Variants in GGTA1 observed in about 807,000 individuals in gnomAD.
The protein encoded by GGTA1 is glycoprotein alpha-galactosyltransferase 1 (inactive), also known as inactive N-acetyllactosaminide alpha-1,3-galactosyltransferase.
Under a neutral mutation model 2.6 loss-of-function variants are expected in GGTA1, and 5 were observed. That is an observed-to-expected ratio of 1.92 (90% confidence interval 1.00 to 4.04). The LOEUF (loss-of-function observed/expected upper bound fraction) is 4.04. GGTA1 is among the 30% of genes most tolerant of loss of function. The pLI is 0.00. For missense variants in GGTA1, 50 were observed against 16.7 expected (o/e 2.99, Z -3.47); for synonymous variants, 17 against 5.0 (o/e 3.38, Z -3.19).
intron 1 of GGTA1, among the ~76,000 whole-genome samples, chr9:121,490,422 T>C (rs532301981): frequency 1.8e-4 from 28 of 152,324 alleles, no homozygotes; most frequent in African/African-American, 6.7e-4. Context: ...GCTGTGGCCC[T>C]GTGACCCTCC....
At chr9:121,473,319 CAAAAAAA>C (rs10712323) in intron 1 of GGTA1, among the ~76,000 whole-genome samples, 1 of 96,410 alleles carries the variant, frequency 1.0e-5, no homozygotes, top group South Asian at 3.6e-4. Context: ...GACTCCATCT[CAAAAAAA>C]AAAAAAAAAA....
rs149999618 is a variant in GGTA1, at chr9:121,458,998, A to G, written c.298+1106T>C. Among the ~76,000 whole-genome samples the G allele has an allele frequency of 4.6e-4, 70 of 152,330 alleles. No individual in the cohort carries two copies. The Middle Eastern group carries it at 0.01, about 22-fold the overall frequency. On this transcript the variant is annotated intron_variant, in intron 5 of 5. Coordinates refer to ENST00000481799, the MANE Select transcript of GGTA1 (RefSeq NM_001382585.1). ...CTCACATTTCTATGAGTGGTTTAGC[A>G]TTTCAGAGATGCCTACCCTGTTGTG...
At chr9:121,495,686 C>T (rs151101131) in intron 1 of GGTA1, among the ~76,000 whole-genome samples, 1 of 152,200 alleles carries the variant, frequency 6.6e-6, no homozygotes, top group South Asian at 2.1e-4. Flanking sequence ...CCCAATGCAA[C>T]TTCTAATCCT....
chr9:121,486,346 G>A (rs1828753697), intron 1 of GGTA1, among the ~76,000 whole-genome samples: 1 of 152,206 alleles, frequency 6.6e-6, no homozygotes, highest in Admixed American at 6.5e-5. Flanking sequence ...GGGTCTATTC[G>A]TAGGAGGTCC....
At chr9:121,473,185 C>A (rs183450239) in intron 1 of GGTA1, among the ~76,000 whole-genome samples, 1 of 151,742 alleles carries the variant, frequency 6.6e-6, no homozygotes, top group Non-Finnish European at 1.5e-5. Context: ...CTGGGTGTTG[C>A]GGCACATGCC....
At chr9:121,483,293 T>C (rs1263520289) in intron 1 of GGTA1, among the ~76,000 whole-genome samples, 1 of 152,188 alleles carries the variant, frequency 6.6e-6, no homozygotes, top group African/African-American at 2.4e-5. Context: ...AATGCTGTTC[T>C]TCCTACCCAG....
intron 1 of GGTA1, among the ~76,000 whole-genome samples, chr9:121,496,757 A>AAAAAAAAG (rs1554838784): frequency 1.8e-5 from 2 of 111,918 alleles, no homozygotes; most frequent in African/African-American, 5.8e-5. Flanking sequence ...AAAAAAAAAA[A>AAAAAAAAG]AGAGAGAGAG....
In GGTA1 at chr9:121,471,664, A is replaced by G. The variant is rs1828393095; in HGVS notation, c.-9-3733T>C. 2.0e-5 allele frequency among the ~76,000 whole-genome samples: 3 copies of G among 152,312 alleles called. No individual in the cohort carries two copies. In the South Asian group the frequency reaches 6.2e-4, roughly 32 times the overall value. ...AACCCAACTTCCAGCTTTCCACACAACTGTGATGGGCAGTATTCCACAGAC... is the reference window on the plus strand; with the variant it reads ...AACCCAACTTCCAGCTTTCCACACAGCTGTGATGGGCAGTATTCCACAGAC... On this transcript the variant is annotated intron_variant, in intron 1 of 5. Coordinates refer to ENST00000481799, the MANE Select transcript of GGTA1 (RefSeq NM_001382585.1).
At position 121,480,668 on chromosome 9, in the gene GGTA1, C is replaced by T. The variant is rs553997612; in HGVS notation, c.-9-12737G>A. 3.3e-5 allele frequency among the ~76,000 whole-genome samples: 5 copies of T among 152,248 alleles called. No individual in the cohort carries two copies. In the South Asian group the frequency reaches 1.0e-3, roughly 32 times the overall value. ...CCCCAGAAGGAAATTTCACAGCTTC[C>T]GCCTCTTAAGGGGATGAGTTATTTG... On this transcript the variant is annotated intron_variant, in intron 1 of 5. Coordinates refer to ENST00000481799, the MANE Select transcript of GGTA1 (RefSeq NM_001382585.1).
chr9:121,463,281 C>G lies in GGTA1; in HGVS notation c.116+12G>C. 1 of 452,792 alleles carries G rather than the reference C, an allele frequency of 2.2e-6. No homozygotes were observed. Among genetic ancestry groups the G allele is most frequent in the Non-Finnish European group, 4.4e-6 (1 of 225,422 alleles). 28.0% of individuals were successfully genotyped at this position (452,792 alleles called of 1,614,324 possible). A position where few individuals can be genotyped will look rare whatever the true frequency, so the allele number is the denominator to read the frequency against. On this transcript the variant is annotated intron_variant, in intron 3 of 5. Coordinates refer to ENST00000481799, the MANE Select transcript of GGTA1 (RefSeq NM_001382585.1). Reference sequence around the variant, plus strand: ...AAACATCCCCTAGAAATCTAGAATTCAAAGCACTTACTTTGAGTGATATAT... The same window carrying G: ...AAACATCCCCTAGAAATCTAGAATTGAAAGCACTTACTTTGAGTGATATAT...
At chr9:121,467,343 C>G (rs2065012620) in intron 2 of GGTA1, among the ~76,000 whole-genome samples, 1 of 151,172 alleles carries the variant, frequency 6.6e-6, no homozygotes, top group African/African-American at 2.5e-5. Flanking sequence ...CACACACACT[C>G]TCTCTCTCTC....
chr9:121,494,651 C>T (rs1828949186), intron 1 of GGTA1: 1 of 152,246 alleles, frequency 6.6e-6, no homozygotes, highest in South Asian at 2.1e-4. Flanking sequence ...AGTTTGGCAT[C>T]AATATGGTGA....
chr9:121,470,235 C>A (rs1461027131), intron 1 of GGTA1, among the ~76,000 whole-genome samples: 1 of 152,164 alleles, frequency 6.6e-6, no homozygotes, highest in African/African-American at 2.4e-5. Flanking sequence ...GTAGATTAAT[C>A]AAAATATACC....
rs1026177989 is a variant in GGTA1 at position 121,461,833 on chromosome 9, C to T, written c.117-516G>A. Among the ~76,000 whole-genome samples the T allele has an allele frequency of 3.9e-5, 6 of 152,292 alleles. No individual in the cohort carries two copies. The South Asian group carries it at 6.2e-4, about 16-fold the overall frequency. On this transcript the variant is annotated intron_variant, in intron 3 of 5. Transcript: ENST00000481799. ...CTTCATGAAAAACCGATGCATGTTT[C>T]CATGTTTCTTTAGCTAAAACCAGCA...
chr9:121,452,941 C>T (rs1589325685), downstream of GGTA1, among the ~76,000 whole-genome samples: 1 of 152,208 alleles, frequency 6.6e-6, no homozygotes, highest in East Asian at 1.9e-4. Context: ...TTTCCCAGCC[C>T]CTTCCTAAGC....
chr9:121,486,422 A>C (rs1828755019), intron 1 of GGTA1, among the ~76,000 whole-genome samples: 1 of 152,202 alleles, frequency 6.6e-6, no homozygotes, highest in Admixed American at 6.5e-5. Flanking sequence ...GGTGGACCCC[A>C]GGTGGTGTGC....
intron 1 of GGTA1, among the ~76,000 whole-genome samples, chr9:121,490,038 C>A (rs559486362): frequency 2.6e-5 from 4 of 152,292 alleles, no homozygotes; most frequent in Middle Eastern, 6.8e-3. Context: ...ACTGAGGAGG[C>A]AAACATTTAA....
rs1564653382 is a variant in GGTA1 at position 121,467,832 on chromosome 9, T to G, written c.80+11A>C. 1 of 455,714 alleles carries G rather than the reference T, an allele frequency of 2.2e-6. No individual in the cohort carries two copies. Among genetic ancestry groups the G allele is most frequent in the Non-Finnish European group, 4.4e-6 (1 of 226,656 alleles). 28.2% of individuals were successfully genotyped at this position (455,714 alleles called of 1,614,324 possible). A position where few individuals can be genotyped will look rare whatever the true frequency, so the allele number is the denominator to read the frequency against. ...TTTCATCCACATCACTTCATCATGTTTCATAATTACCTGTTGATAAATTCC... is the reference window on the plus strand; with the variant it reads ...TTTCATCCACATCACTTCATCATGTGTCATAATTACCTGTTGATAAATTCC... On this transcript the variant is annotated intron_variant, in intron 2 of 5. Transcript: ENST00000481799.
chr9:121,462,321 T>C (rs545126120), intron 3 of GGTA1, among the ~76,000 whole-genome samples: 3 of 145,732 alleles, frequency 2.1e-5, no homozygotes, highest in African/African-American at 7.6e-5. Flanking sequence ...CAAGACTCCG[T>C]CTCAGAAAAT....
Sources: gnomAD v4.1 joint callset for allele counts (sites outside exome capture counted in the v4.1 genomes callset) on GRCh38, gnomAD v4.1.1 for gene constraint, MANE v1.5 for transcripts, NCBI Gene and HGNC (gene_info 2026-07-23, HGNC 2026-07-21) for gene names.